Variants in MPPED2 observed in about 807,000 individuals in gnomAD.
MPPED2 encodes the protein metallophosphoesterase domain containing 2.
MPPED2 carries 5 observed loss-of-function variants against 33.0 expected under a neutral mutation model. That is an observed-to-expected ratio of 0.15 (90% CI 0.08 to 0.32). MPPED2 has a LOEUF of 0.32. Among genes scored for constraint, MPPED2 ranks in the 10% least tolerant of loss-of-function variants. The pLI is 1.00. For synonymous variants in MPPED2, 136 were observed against 141.9 expected (o/e 0.96, Z 0.29); for missense variants, 275 against 372.1 (o/e 0.74, Z 2.15).
chr11:30,467,802 G>A (rs1230990301), intron 4 of MPPED2, among the ~76,000 whole-genome samples: 1 of 152,202 alleles, frequency 6.6e-6, no homozygotes, highest in East Asian at 1.9e-4. Flanking sequence ...CGAGTTGCTG[G>A]TGCAGAGTTA....
chr11:30,535,505 A>T (rs1954762772), intron 3 of MPPED2, among the ~76,000 whole-genome samples: 1 of 152,174 alleles, frequency 6.6e-6, no homozygotes, highest in South Asian at 2.1e-4. Context: ...AACACCCTCC[A>T]GCTCACTTAG....
At chr11:30,417,737 T>C in intron 4 of MPPED2, 104 bp from the exon 5 acceptor site, 1 of 693,958 alleles carries the variant, frequency 1.4e-6, no homozygotes, top group Non-Finnish European at 2.6e-6. Flanking sequence ...TTGCTCTCTT[T>C]TCTCTTTTTG....
chr11:30,508,036 C>G (rs1237707153), intron 3 of MPPED2, among the ~76,000 whole-genome samples: 1 of 152,106 alleles, frequency 6.6e-6, no homozygotes, highest in African/African-American at 2.4e-5. Context: ...TAAAATTTAT[C>G]AAGAGATAAA....
chr11:30,428,115 G>A, intron 4 of MPPED2, among the ~76,000 whole-genome samples: 1 of 152,056 alleles, frequency 6.6e-6, no homozygotes, highest in Non-Finnish European at 1.5e-5. Context: ...ATTTCCATAT[G>A]TGGCAATAAA....
intron 2 of MPPED2, among the ~76,000 whole-genome samples, chr11:30,538,751 T>A (rs188330551): frequency 3.9e-5 from 6 of 152,012 alleles, no homozygotes; most frequent in Non-Finnish European, 7.4e-5. Context: ...ACCACCATGA[T>A]GCCATCAAAG....
intron 2 of MPPED2, among the ~76,000 whole-genome samples, chr11:30,579,964 T>C (rs1957092211): frequency 6.6e-6 from 1 of 152,198 alleles, no homozygotes; most frequent in South Asian, 2.1e-4. Flanking sequence ...AACCTCTCTG[T>C]TCTTTTCCGT....
chr11:30,567,846 G>A (rs941525545), intron 2 of MPPED2, among the ~76,000 whole-genome samples: 1 of 152,186 alleles, frequency 6.6e-6, no homozygotes, highest in Non-Finnish European at 1.5e-5. Flanking sequence ...CAGGCAAGGA[G>A]CTAAGTGTTT....
chr11:30,568,496 A>G (rs1565191721), intron 2 of MPPED2, among the ~76,000 whole-genome samples: 1 of 152,164 alleles, frequency 6.6e-6, no homozygotes, highest in Non-Finnish European at 1.5e-5. Context: ...ATAACATGGC[A>G]CGACCCTTCC....
chr11:30,505,939 C>T (rs1475036727), intron 3 of MPPED2, among the ~76,000 whole-genome samples: 1 of 152,118 alleles, frequency 6.6e-6, no homozygotes, highest in East Asian at 1.9e-4. Flanking sequence ...AATAATTGTA[C>T]AATCTACCTT....
At chr11:30,520,434 T>A (rs1444340752) in intron 3 of MPPED2, among the ~76,000 whole-genome samples, 1 of 152,194 alleles carries the variant, frequency 6.6e-6, no homozygotes, top group Admixed American at 6.5e-5. Flanking sequence ...ACATAAATGC[T>A]AAAATAAGGC....
At chr11:30,461,521 G>T (rs560700833) in intron 4 of MPPED2, among the ~76,000 whole-genome samples, 1 of 152,096 alleles carries the variant, frequency 6.6e-6, no homozygotes, top group Non-Finnish European at 1.5e-5. Context: ...ACCCTTGCTC[G>T]AGTGGAAAGC....
chr11:30,395,652 G>A (rs571917299), intron 6 of MPPED2, among the ~76,000 whole-genome samples: 2 of 152,260 alleles, frequency 1.3e-5, no homozygotes, highest in African/African-American at 4.8e-5. Context: ...GGCTTAGTTT[G>A]GCCTCTTAAA....
chr11:30,533,249 C>G (rs2134462160), intron 3 of MPPED2, among the ~76,000 whole-genome samples: 1 of 152,232 alleles, frequency 6.6e-6, no homozygotes. Flanking sequence ...ATGGGGATAA[C>G]ATTAGCAACT....
At chr11:30,397,141 T>C (rs1358102605) in intron 6 of MPPED2, among the ~76,000 whole-genome samples, 1 of 152,168 alleles carries the variant, frequency 6.6e-6, no homozygotes, top group African/African-American at 2.4e-5. Flanking sequence ...TACTGTGAAA[T>C]AAACTAATGT....
intron 2 of MPPED2, among the ~76,000 whole-genome samples, chr11:30,543,227 C>T (rs537839): frequency 0.6 from 91,460 of 152,104 alleles, 27,547 homozygotes; most frequent in South Asian, 0.67. Flanking sequence ...ACGTCACATG[C>T]ACATATGGAT....
intron 3 of MPPED2, among the ~76,000 whole-genome samples, chr11:30,533,668 GCCTT>G (rs1954657314): frequency 6.6e-6 from 1 of 152,016 alleles, no homozygotes; most frequent in South Asian, 2.1e-4. Flanking sequence ...GCTATTCTTG[GCCTT>G]CTCTATGGGA....
chr11:30,454,303 G>T (rs1950186410), intron 4 of MPPED2, among the ~76,000 whole-genome samples: 1 of 152,160 alleles, frequency 6.6e-6, no homozygotes, highest in South Asian at 2.1e-4. Flanking sequence ...ATAAATGGCT[G>T]TCTAACATCC....
intron 4 of MPPED2, among the ~76,000 whole-genome samples, chr11:30,470,542 C>T (rs941347681): frequency 2.0e-5 from 3 of 152,144 alleles, no homozygotes; most frequent in Non-Finnish European, 4.4e-5. Context: ...GACTGCCTAA[C>T]TCTGAACATA....
intron 3 of MPPED2, among the ~76,000 whole-genome samples, chr11:30,535,108 C>T (rs555277694): frequency 2.6e-5 from 4 of 152,152 alleles, no homozygotes; most frequent in Non-Finnish European, 5.9e-5. Flanking sequence ...CATCTTTCCA[C>T]TAACACGTCT....
Sources: gnomAD v4.1 joint callset for allele counts (sites outside exome capture counted in the v4.1 genomes callset) on GRCh38, gnomAD v4.1.1 for gene constraint, MANE v1.5 for transcripts, NCBI Gene and HGNC (gene_info 2026-07-23, HGNC 2026-07-21) for gene names.